The following STXBP4 variants were observed in gnomAD, a reference collection of about 807,000 sequenced individuals.
STXBP4 encodes syntaxin-binding protein 4.
A neutral mutation model predicts 76.1 loss-of-function variants in STXBP4; 55 were observed. The ratio of observed to expected loss-of-function variants is 0.72; its 90% CI spans 0.58 to 0.91. The LOEUF (loss-of-function observed/expected upper bound fraction) is 0.91. STXBP4 is among the 40% of genes least tolerant of loss of function. The probability of loss-of-function intolerance (pLI) is 0.00; values close to 1 mark genes in which losing one functional copy is unlikely to be tolerated. For missense variants in STXBP4, 618 were observed against 636.9 expected, an observed-to-expected ratio of 0.97 and a Z score of 0.32; for synonymous variants, 201 against 220.2, an observed-to-expected ratio of 0.91 and a Z score of 0.77.
chr17:55,011,500 T>TTCTTTC (rs1443380122), intron 8 of STXBP4, among the ~76,000 whole-genome samples: 19 of 116,006 alleles, frequency 1.6e-4, no homozygotes, highest in African/African-American at 5.7e-4. Flanking sequence ...AGAGTTTATT[T>TTCTTTC]TCTTTTTCTT....
rs760284819 is a variant in STXBP4, at chr17:55,081,052, A to G, written c.1358A>G (p.Glu453Gly). 1 of 1,487,110 alleles carries G rather than the reference A, an allele frequency of 6.7e-7. No individual in the cohort carries two copies. Among genetic ancestry groups the G allele is most frequent in the Non-Finnish European group, 8.9e-7 (1 of 1,123,536 alleles). The allele number at this position is 1,487,110 out of a possible 1,614,324, so 92.1% of individuals were successfully genotyped here. ...DNSTPLSNLS[E>G]RRAVLASQTS... is the part of the protein sequence containing the mutation. Reference sequence around the variant, plus strand: ...ACTTTATTTTATTGCCTTCATAGTGAAAGAAGAGCTGTGTTAGCTTCTCAG... The same window carrying G: ...ACTTTATTTTATTGCCTTCATAGTGGAAGAAGAGCTGTGTTAGCTTCTCAG... Residue 453 changes from glutamate (E) to glycine (G), a missense_variant and splice_region_variant, in exon 16 of 18, where the codon GAA becomes GGA. Physicochemically the swap from Glu to Gly is moderately conservative, Grantham distance 98 (BLOSUM62 -2). Transcript: ENST00000376352.
intron 6 of STXBP4, among the ~76,000 whole-genome samples, chr17:55,000,447 T>C (rs1452077421): frequency 6.6e-6 from 1 of 152,206 alleles, no homozygotes; most frequent in Non-Finnish European, 1.5e-5. Flanking sequence ...AAACTTAAGC[T>C]TTTAGTCAGT....
At chr17:55,121,201 G>T (rs1196392165) in intron 16 of STXBP4, among the ~76,000 whole-genome samples, 1 of 152,154 alleles carries the variant, frequency 6.6e-6, no homozygotes, top group Non-Finnish European at 1.5e-5. Flanking sequence ...CAAAGTTTAA[G>T]ATATTAAGTA....
chr17:55,200,717 A>C, the STXBP4 span, among the ~76,000 whole-genome samples: 1 of 152,162 alleles, frequency 6.6e-6, no homozygotes, highest in African/African-American at 2.4e-5. Flanking sequence ...TCTGGAGATG[A>C]TTTTCAGAGG....
Position 55,007,533 on chromosome 17 carries a change from A to G in STXBP4, c.602A>G (p.Tyr201Cys). 3.1e-6 allele frequency: 5 copies of G among 1,611,526 alleles called. No homozygotes were observed. Among genetic ancestry groups the G allele is most frequent in the Non-Finnish European group, 3.4e-6 (4 of 1,179,318 alleles). The change falls in exon 8 of 18, where the codon TAT becomes TGT. Residue 201 changes from tyrosine to cysteine, a missense_variant. Coordinates refer to ENST00000376352, the MANE Select transcript of STXBP4 (RefSeq NM_178509.6). ...TDVASAWTENYGLQEKISLNP... is the reference protein window; with the variant it reads ...TDVASAWTENCGLQEKISLNP... ...GTTGCTTCTGCCTGGACTGAAAATT[A>G]TGGGCTACAAGAAAAGATCTCCCTA...
At chr17:55,106,968 T>G (rs917802794) in intron 16 of STXBP4, among the ~76,000 whole-genome samples, 3 of 152,212 alleles carry the variant, frequency 2.0e-5, no homozygotes, top group Non-Finnish European at 4.4e-5. Flanking sequence ...TTTCCTGAAT[T>G]TGAATGTTGT....
chr17:55,198,203 T>TGCAACCAGTCA, the STXBP4 span, among the ~76,000 whole-genome samples: 3 of 152,250 alleles, frequency 2.0e-5, no homozygotes, highest in Non-Finnish European at 4.4e-5. Flanking sequence ...GGTTGCTTTA[T>TGCAACCAGTCA]GCAACCAGTC....
chr17:55,012,245 G>A (rs375945445), intron 8 of STXBP4, among the ~76,000 whole-genome samples: 5 of 152,002 alleles, frequency 3.3e-5, no homozygotes, highest in South Asian at 2.1e-4. Context: ...TTCCTTCTTC[G>A]GTGGCTAGCC....
intron 17 of STXBP4, among the ~76,000 whole-genome samples, chr17:55,149,637 A>G (rs770612677): frequency 6.0e-4 from 92 of 152,286 alleles, no homozygotes; most frequent in Admixed American, 1.0e-3. Flanking sequence ...AAATGACAGT[A>G]TTTACACAAC....
intron 16 of STXBP4, among the ~76,000 whole-genome samples, chr17:55,098,397 G>C (rs921531371): frequency 6.6e-6 from 1 of 152,142 alleles, no homozygotes; most frequent in African/African-American, 2.4e-5. Flanking sequence ...CTTATATATG[G>C]AATGAAGGAG....
chr17:55,062,138 G>A (rs1229828692), intron 12 of STXBP4, among the ~76,000 whole-genome samples: 2 of 151,492 alleles, frequency 1.3e-5, no homozygotes, highest in African/African-American at 2.4e-5. Flanking sequence ...TGTGCAGAAC[G>A]TGCAGGTTCG....
intron 8 of STXBP4, among the ~76,000 whole-genome samples, chr17:55,011,430 G>T (rs998724956): frequency 6.7e-6 from 1 of 149,438 alleles, no homozygotes; most frequent in Non-Finnish European, 1.5e-5. Flanking sequence ...GGGAAATTTT[G>T]AGTTCGTCAT....
intron 8 of STXBP4, among the ~76,000 whole-genome samples, chr17:55,029,156 G>A (rs1001412091): frequency 2.6e-5 from 4 of 152,000 alleles, no homozygotes; most frequent in Non-Finnish European, 4.4e-5. Context: ...GTTAAAATAA[G>A]TGAACTAGTT....
At chr17:55,068,515 T>C (rs557833372) in intron 12 of STXBP4, among the ~76,000 whole-genome samples, 1 of 152,262 alleles carries the variant, frequency 6.6e-6, no homozygotes, top group South Asian at 2.1e-4. Flanking sequence ...GTTGCTAACA[T>C]TAAAAAATAC....
intron 17 of STXBP4, 41 bp from the exon 18 acceptor site, chr17:55,159,756 A>T (rs1424270155): frequency 7.4e-7 from 1 of 1,351,164 alleles, no homozygotes; most frequent in Non-Finnish European, 1.1e-6. Flanking sequence ...GAGTAGAAGG[A>T]CAGTCTTTCA....
chr17:55,098,509 A>G (rs2079523031), intron 16 of STXBP4, among the ~76,000 whole-genome samples: 1 of 152,162 alleles, frequency 6.6e-6, no homozygotes, highest in South Asian at 2.1e-4. Context: ...AGATATTCAC[A>G]GGCATTTCAT....
chr17:55,034,065 T>C, intron 9 of STXBP4, 103 bp from the exon 10 acceptor site: 1 of 739,868 alleles, frequency 1.4e-6, no homozygotes, highest in Non-Finnish European at 2.2e-6. Flanking sequence ...TTTAAGATAA[T>C]TTATGTGGGT....
At chr17:55,105,456 G>C in intron 16 of STXBP4, among the ~76,000 whole-genome samples, 1 of 142,370 alleles carries the variant, frequency 7.0e-6, no homozygotes. Flanking sequence ...TTAATCCTGA[G>C]TTCTTTCTTT....
intron 12 of STXBP4, among the ~76,000 whole-genome samples, chr17:55,061,106 A>C (rs1425796572): frequency 8.5e-5 from 13 of 152,216 alleles, no homozygotes; most frequent in Non-Finnish European, 1.9e-4. Flanking sequence ...ATATAAGGTC[A>C]AATCAACACA....
Sources: allele counts gnomAD v4.1 joint callset (sites outside exome capture counted in the v4.1 genomes callset), GRCh38; gene constraint gnomAD v4.1.1; transcripts MANE v1.5; gene names NCBI Gene and HGNC (gene_info 2026-07-23, HGNC 2026-07-21).